AHCY: variants seen among roughly 807,000 people sequenced by gnomAD.
AHCY encodes adenosylhomocysteinase, also known as S-adenosyl-L-homocysteine hydrolase.
Under a neutral mutation model 45.4 loss-of-function variants are expected in AHCY, and 24 were observed. That is an observed-to-expected ratio of 0.53 (90% CI 0.38 to 0.74). The LOEUF (loss-of-function observed/expected upper bound fraction) is 0.74. Ranked by LOEUF, AHCY falls within the 30% of genes least tolerant of loss-of-function variation. The pLI is 0.00. For missense variants in AHCY, 449 were observed against 594.1 expected (o/e 0.76, Z 2.54); for synonymous variants, 245 against 235.1 (o/e 1.04, Z -0.39).
chr20:34,302,569 C>A (rs928271302), intron 1 of AHCY: 1 of 968,650 alleles, frequency 1.0e-6, no homozygotes, highest in Non-Finnish European at 1.2e-6. Flanking sequence ...AAGGCAGTGC[C>A]GATCCCACAG....
chr20:34,296,124 A>T (rs2036571704), intron 1 of AHCY, among the ~76,000 whole-genome samples: 1 of 152,186 alleles, frequency 6.6e-6, no homozygotes, highest in South Asian at 2.1e-4. Context: ...ACTCATCCGT[A>T]TAACGAATGC....
At chr20:34,236,365 C>A in the AHCY span, among the ~76,000 whole-genome samples, 1 of 151,972 alleles carries the variant, frequency 6.6e-6, no homozygotes, top group African/African-American at 2.4e-5. Context: ...CATGGTGAAA[C>A]CCTGTCTCTA....
chr20:34,269,980 CAAG>C, the AHCY span, among the ~76,000 whole-genome samples: 2 of 62,928 alleles, frequency 3.2e-5, no homozygotes, highest in South Asian at 5.9e-4. Context: ...AAAAAAAAAA[CAAG>C]AAAAAAGAAA....
At chr20:34,267,923 T>C in the AHCY span, among the ~76,000 whole-genome samples, 1 of 149,526 alleles carries the variant, frequency 6.7e-6, no homozygotes, top group South Asian at 2.1e-4. Flanking sequence ...AATATGTGAT[T>C]AATTTAAAAA....
chr20:34,252,071 G>T, the AHCY span, among the ~76,000 whole-genome samples: 52 of 152,326 alleles, frequency 3.4e-4, no homozygotes, highest in South Asian at 0.011. Context: ...TCCACTCTGT[G>T]CCTCAGACTC....
Position 34,302,947 on chromosome 20 carries a change from C to G in AHCY, c.28+296G>C, listed in dbSNP as rs1038139841. On this transcript the variant is annotated intron_variant, in intron 1 of 9. Coordinates refer to ENST00000217426, the MANE Select transcript of AHCY (RefSeq NM_000687.4). ...TCCGGCAGGTGCCAGCCGTCCCAGG[C>G]CGTGGCCAGGTGTGCTCTCCCGCGG... is the stretch of plus-strand genomic sequence containing the variant. 3.9e-5 allele frequency: 38 copies of G among 985,350 alleles called. No homozygotes were observed. In the Admixed American group the frequency reaches 1.8e-3, roughly 48 times the overall value. The allele number at this position is 985,350 out of a possible 1,614,324, so 61.0% of individuals were successfully genotyped here.
Position 34,294,119 on chromosome 20 carries a change from T to C in AHCY, c.257A>G (p.Asp86Gly), listed in dbSNP as rs773162208. 1.7e-5 allele frequency: 27 copies of C among 1,613,812 alleles called. No homozygotes were observed. The highest frequency in any genetic ancestry group is 1.3e-4 in the Admixed American group (8 of 60,008). Reference protein sequence around the residue: ...WSSCNIFSTQDHAAAAIAKAG... With the variant: ...WSSCNIFSTQGHAAAAIAKAG... ...CTTGGCAATGGCAGCCGCCGCATGG[T>C]CCTGGGTGGAGAAGATGTTGCAGCT... is the stretch of plus-strand genomic sequence containing the variant. Residue 86 changes from aspartate (D) to glycine (G), a missense_variant, in exon 3 of 10, where the codon GAC (aspartate) becomes GGC (glycine). Asp to Gly is a moderately conservative substitution (Grantham distance 94). Transcript: ENST00000217426.
chr20:34,237,610 A>T, the AHCY span, among the ~76,000 whole-genome samples: 1 of 151,840 alleles, frequency 6.6e-6, no homozygotes, highest in Admixed American at 6.6e-5. Context: ...AGATCATTTT[A>T]CTCCTTCCTT....
chr20:34,291,397 C>G (rs2036388069), intron 5 of AHCY, 22 bp downstream of exon 5: 2 of 1,598,230 alleles, frequency 1.3e-6, no homozygotes, highest in Admixed American at 1.7e-5. Context: ...GTAGCGGGAG[C>G]TGTCACTGCC....
At chr20:34,285,760 TC>T in intron 8 of AHCY, 126 bp from the exon 9 acceptor site, 1 of 986,320 alleles carries the variant, frequency 1.0e-6, no homozygotes, top group Non-Finnish European at 1.6e-6. Context: ...CAAAACAACC[TC>T]CAGCACATGG....
intron 3 of AHCY, 117 bp downstream of exon 3, chr20:34,293,964 G>C: frequency 9.7e-7 from 1 of 1,028,282 alleles, no homozygotes; most frequent in Non-Finnish European, 1.5e-6. Context: ...GGATTTTGTG[G>C]CGGTGACTCC....
the AHCY span, among the ~76,000 whole-genome samples, chr20:34,244,340 T>C: frequency 6.6e-6 from 1 of 152,156 alleles, no homozygotes; most frequent in Non-Finnish European, 1.5e-5. Flanking sequence ...TGAGCATGGG[T>C]GTACAGTATT....
At chr20:34,299,751 C>T (rs1202725544) in intron 1 of AHCY, among the ~76,000 whole-genome samples, 2 of 152,196 alleles carry the variant, frequency 1.3e-5, no homozygotes, top group Non-Finnish European at 1.5e-5. Flanking sequence ...GGAAATGAAA[C>T]CACCATTCAA....
At chr20:34,246,240 C>G in the AHCY span, 3 of 1,523,594 alleles carry the variant, frequency 2.0e-6, no homozygotes, top group Non-Finnish European at 2.6e-6. Context: ...TTTATTTGGC[C>G]TCTTCCACCT....
At chr20:34,273,694 T>A in the AHCY span, among the ~76,000 whole-genome samples, 1 of 152,214 alleles carries the variant, frequency 6.6e-6, no homozygotes, top group African/African-American at 2.4e-5. Context: ...TTGAACTGAA[T>A]TAGCCAAACC....
intron 1 of AHCY, chr20:34,302,779 C>T: frequency 2.0e-6 from 2 of 995,228 alleles, no homozygotes; most frequent in South Asian, 9.2e-5. Context: ...GCTCGCTTTC[C>T]AGGCCTCTCC....
intron 9 of AHCY, chr20:34,281,599 T>C (rs1025175996): frequency 1.7e-5 from 5 of 286,294 alleles, no homozygotes; most frequent in Non-Finnish European, 2.7e-5. Context: ...GAAATGAAGA[T>C]AGATCCGAGA....
chr20:34,274,341 C>T, the AHCY span, among the ~76,000 whole-genome samples: 1 of 152,186 alleles, frequency 6.6e-6, no homozygotes. Flanking sequence ...ATAGACCTCA[C>T]ACCTCAGCAT....
chr20:34,268,986 C>T, the AHCY span: 1 of 1,600,186 alleles, frequency 6.2e-7, no homozygotes, highest in Non-Finnish European at 8.5e-7. Flanking sequence ...GCGTTTCCCA[C>T]GCAGAAGGAG....
Sources: allele counts gnomAD v4.1 joint callset (sites outside exome capture counted in the v4.1 genomes callset), GRCh38; gene constraint gnomAD v4.1.1; transcripts MANE v1.5; gene names NCBI Gene and HGNC (gene_info 2026-07-23, HGNC 2026-07-21).